PROCA1: variants seen among roughly 807,000 people sequenced by gnomAD.
PROCA1 encodes protein PROCA1.
PROCA1 carries 22 observed loss-of-function variants against 23.2 expected under a neutral mutation model. The ratio of observed to expected loss-of-function variants is 0.95; its 90% CI spans 0.68 to 1.35. PROCA1 has a LOEUF of 1.35. Among genes scored for constraint, PROCA1 ranks in the 40% most tolerant of loss-of-function variants. PROCA1 has a pLI of 0.00. For missense variants in PROCA1, 469 were observed against 459.8 expected (o/e 1.02, Z -0.18); for synonymous variants, 182 against 179.2 (o/e 1.02, Z -0.12).
At chr17:28,710,794 G>A in intron 1 of PROCA1, 3 of 1,303,974 alleles carry the variant, frequency 2.3e-6, no homozygotes, top group South Asian at 2.5e-5. Flanking sequence ...GTGATAGGGT[G>A]AAAGAAAGTG....
At chr17:28,710,279 A>T (rs2032716987) in intron 1 of PROCA1, among the ~76,000 whole-genome samples, 1 of 152,000 alleles carries the variant, frequency 6.6e-6, no homozygotes, top group Non-Finnish European at 1.5e-5. Context: ...TGGGCGGATC[A>T]CGAGGTCAGG....
chr17:28,703,774 G>C lies in PROCA1; in HGVS notation c.879C>G (p.Ser293=). The part of the protein sequence containing the change: ...SLSARQLARM[S]ESSPESREEL... ...CTTCCCGGCTTTCTGGGCTGGACTC[G>C]GACATCCTGGCCAGCTGTCTTGCGC... is the stretch of plus-strand genomic sequence containing the variant. The change falls in exon 5 of 5, where the codon TCC becomes TCG. Residue 293 remains serine (S), a synonymous_variant. Coordinates refer to ENST00000682792, the MANE Select transcript of PROCA1 (RefSeq NM_001366301.1). The C allele has an allele frequency of 6.2e-7, 1 of 1,614,112 alleles. No individual in the cohort carries two copies. The highest frequency in any genetic ancestry group is 8.5e-7 in the Non-Finnish European group (1 of 1,180,044).
chr17:28,710,965 G>A, intron 1 of PROCA1: 1 of 1,194,922 alleles, frequency 8.4e-7, no homozygotes, highest in Non-Finnish European at 1.1e-6. Flanking sequence ...CAGAGCAGCC[G>A]AAAGGAGTAG....
In PROCA1 at chr17:28,703,450, G is replaced by C; in HGVS notation, c.*108C>G. 1 of 1,202,428 alleles carries C rather than the reference G, an allele frequency of 8.3e-7. No homozygotes were observed. 74.5% of individuals were successfully genotyped at this position (1,202,428 alleles called of 1,614,324 possible). A position where few individuals can be genotyped will look rare whatever the true frequency, so the allele number is the denominator to read the frequency against. ...CTTTGAGAAACCCCTGCAGCCCTGA[G>C]CCCACCCCTTGCCCCGCAAGAAACA... On this transcript the variant is annotated 3_prime_UTR_variant, in exon 5 of 5. Coordinates refer to ENST00000682792, the MANE Select transcript of PROCA1 (RefSeq NM_001366301.1).
chr17:28,704,439 C>T lies in PROCA1; in HGVS notation c.312-4G>A. The T allele has an allele frequency of 6.2e-7, 1 of 1,609,880 alleles. No individual in the cohort carries two copies. Among genetic ancestry groups the T allele is most frequent in the East Asian group, 2.2e-5 (1 of 44,826 alleles). On this transcript the variant is annotated splice_polypyrimidine_tract_variant and splice_region_variant and intron_variant, in intron 3 of 4. Transcript: ENST00000682792. ...ATCCTCTGAAGAGTCCTTCAGCCTGCCACACATGGGACTCTCAGCCTGGCT... is the reference window on the plus strand; with the variant it reads ...ATCCTCTGAAGAGTCCTTCAGCCTGTCACACATGGGACTCTCAGCCTGGCT...
In PROCA1 at chr17:28,703,672, CGAT is replaced by C. The variant is rs2032246835; in HGVS notation, c.978_980del (p.Ser327del). 1 of 1,614,188 alleles carries C rather than the reference CGAT, an allele frequency of 6.2e-7. No individual in the cohort carries two copies. Among genetic ancestry groups the C allele is most frequent in the Non-Finnish European group, 8.5e-7 (1 of 1,180,044 alleles). On this transcript the variant is annotated inframe_deletion, in exon 5 of 5. Coordinates refer to ENST00000682792, the MANE Select transcript of PROCA1 (RefSeq NM_001366301.1). ...GGACTGTGTTCTCTCTCTTCCTGGG[CGAT>C]GATGATTCCACAATATCCTCGCTGG... is the stretch of plus-strand genomic sequence containing the variant.
chr17:28,704,243 C>G (rs953092144), intron 4 of PROCA1, 31 bp from the exon 5 acceptor site: 2 of 1,562,140 alleles, frequency 1.3e-6, no homozygotes, highest in Non-Finnish European at 1.7e-6. Flanking sequence ...GGAAGTTTGA[C>G]AGAGAGTGGG....
At position 28,704,071 on chromosome 17, in the gene PROCA1, G is replaced by A; in HGVS notation, c.582C>T (p.Ala194=). Residue 194 remains alanine, a synonymous_variant, in exon 5 of 5, where the codon GCC becomes GCT. Coordinates refer to ENST00000682792, the MANE Select transcript of PROCA1 (RefSeq NM_001366301.1). The part of the protein sequence containing the change: ...KPPIPTQVGP[A]TASPDLGTSM... The stretch of plus-strand genomic sequence containing the variant: ...TGGTGCCTAGGTCAGGGGAGGCGGT[G>A]GCGGGCCCCACCTGTGTCGGGATGG... The A allele has an allele frequency of 6.2e-7, 1 of 1,600,188 alleles. No individual in the cohort carries two copies. The highest frequency in any genetic ancestry group is 8.5e-7 in the Non-Finnish European group (1 of 1,175,464).
At chr17:28,710,978 TG>T in intron 1 of PROCA1, 1 of 312,614 alleles carries the variant, frequency 3.2e-6, no homozygotes. Flanking sequence ...AGGAGTAGGG[TG>T]GGAAGGGAGG....
intron 1 of PROCA1, among the ~76,000 whole-genome samples, chr17:28,708,731 G>GAAAAAAAAAAAAAA (rs557817689): frequency 0.011 from 1,076 of 100,388 alleles, 14 homozygotes; most frequent in South Asian, 0.014. Flanking sequence ...CCAGAAAAAG[G>GAAAAAAAAAAAAAA]AAAAAAAAAA....
chr17:28,704,212 C>A lies in PROCA1; in HGVS notation c.441G>T (p.Trp147Cys), dbSNP rs201929229. 6.4e-7 allele frequency: 1 copy of A among 1,550,668 alleles called. No homozygotes were observed. The highest frequency in any genetic ancestry group is 1.4e-5 in the African/African-American group (1 of 72,994). Residue 147 changes from tryptophan (W) to cysteine (C), a missense_variant and splice_region_variant, in exon 5 of 5, where the codon TGG becomes TGT. Physicochemically the swap from Trp to Cys is radical, Grantham distance 215 (BLOSUM62 -2). Coordinates refer to ENST00000682792, the MANE Select transcript of PROCA1 (RefSeq NM_001366301.1). The part of the protein sequence containing the change: ...EEHVERFRYG[W>C]CKSYRPVSVA... Reference sequence around the variant, plus strand: ...CAGAGACAGGTCTGTAGCTTTTGCACCTGGGAGAAGGGACAACGGGGGAAG... The same window carrying A: ...CAGAGACAGGTCTGTAGCTTTTGCAACTGGGAGAAGGGACAACGGGGGAAG...
intron 1 of PROCA1, among the ~76,000 whole-genome samples, chr17:28,710,508 A>G (rs77628281): frequency 7.2e-6 from 1 of 138,058 alleles, no homozygotes; most frequent in African/African-American, 3.0e-5. Context: ...TTCCATCTCA[A>G]AAAAAAAAAA....
intron 1 of PROCA1, chr17:28,710,896 C>T (rs1271918530): frequency 7.7e-7 from 1 of 1,302,214 alleles, no homozygotes; most frequent in African/African-American, 1.5e-5. Context: ...GTACAGAATC[C>T]TCCCCGTCCT....
chr17:28,711,672 C>T lies in PROCA1; in HGVS notation c.-12G>A, dbSNP rs1160147500. The T allele has an allele frequency of 6.2e-7, 1 of 1,611,180 alleles. No homozygotes were observed. Among genetic ancestry groups the T allele is most frequent in the South Asian group, 1.1e-5 (1 of 90,916 alleles). ...GTCCTGACCCACATCGCTCTCCGCC[C>T]AGGTCTTCGTCTCTACAGGACTCTT... On this transcript the variant is annotated 5_prime_UTR_variant, in exon 1 of 5. It introduces an in-frame stop codon into an upstream open reading frame of the 5' UTR. Transcript: ENST00000682792.
At position 28,711,610 on chromosome 17, in the gene PROCA1, G is replaced by T; in HGVS notation, c.51C>A (p.Thr17=). ...LTIERWTKEK[T]EPKARSWDES... ...CATCCCACGAGCGGGCCTTGGGCTC[G>T]GTCTTTTCCTTAGTCCATCTTTCAA... Residue 17 remains threonine, a synonymous_variant, in exon 1 of 5, where the codon ACC becomes ACA. Coordinates refer to ENST00000682792, the MANE Select transcript of PROCA1 (RefSeq NM_001366301.1). The T allele has an allele frequency of 6.2e-7, 1 of 1,612,052 alleles. No homozygotes were observed. Among genetic ancestry groups the T allele is most frequent in the Non-Finnish European group, 8.5e-7 (1 of 1,179,420 alleles).
At chr17:28,707,635 C>A (rs1429042754) in intron 1 of PROCA1, among the ~76,000 whole-genome samples, 1 of 152,162 alleles carries the variant, frequency 6.6e-6, no homozygotes, top group Non-Finnish European at 1.5e-5. Flanking sequence ...TTTTAGGTCC[C>A]AGCCAGAAGT....
In PROCA1 at chr17:28,704,153, C is replaced by T; in HGVS notation, c.500G>A (p.Cys167Tyr). 6.4e-7 allele frequency: 1 copy of T among 1,551,396 alleles called. No homozygotes were observed. ...TTCTTCATTTAGATCATCTGCCCCA[C>T]ACTCATGGTAGAGTGGATGGTGGAT... ...AVIHHPLYHECGADDLNEEEE... is the reference protein window; with the variant it reads ...AVIHHPLYHEYGADDLNEEEE... The change falls in exon 5 of 5, where the codon TGT (cysteine) becomes TAT (tyrosine). Residue 167 changes from cysteine to tyrosine, a missense_variant. Coordinates refer to ENST00000682792, the MANE Select transcript of PROCA1 (RefSeq NM_001366301.1).
At chr17:28,708,893 G>C (rs895472455) in intron 1 of PROCA1, among the ~76,000 whole-genome samples, 2 of 152,080 alleles carry the variant, frequency 1.3e-5, no homozygotes, top group Non-Finnish European at 2.9e-5. Context: ...TACTCAGGAG[G>C]CTGAGGTGGG....
chr17:28,706,173 C>CG (rs1348850882), intron 2 of PROCA1: 1 of 158,944 alleles, frequency 6.3e-6, no homozygotes, highest in Admixed American at 6.0e-5. Flanking sequence ...CTTTATCCCC[C>CG]GGGAAGATGA....
Sources: allele counts gnomAD v4.1 joint callset (sites outside exome capture counted in the v4.1 genomes callset), GRCh38; gene constraint gnomAD v4.1.1; transcripts MANE v1.5; gene names NCBI Gene and HGNC (gene_info 2026-07-23, HGNC 2026-07-21).